The following NCOR2 variants were observed in gnomAD, a reference collection of about 807,000 sequenced individuals.
NCOR2 encodes the protein CTG repeat protein 26.
In NCOR2, 81 loss-of-function variants were observed where a neutral mutation model predicts 262.9. The observed-to-expected ratio is 0.31, with a 90% confidence interval of 0.26 to 0.37. The LOEUF is 0.37. Ranked by LOEUF, NCOR2 falls within the 10% of genes least tolerant of loss-of-function variation. The pLI is 1.00. For missense variants in NCOR2, 3,385 were observed against 3,621.4 expected (o/e 0.93, Z 1.68); for synonymous variants, 1,659 against 1,559.3 (o/e 1.06, Z -1.51).
chr12:124,354,021 T>C (rs909268507), intron 27 of NCOR2, 72 bp downstream of exon 29: 10 of 1,351,864 alleles, frequency 7.4e-6, no homozygotes, highest in Admixed American at 1.9e-5. Context: ...TTGGTGACAA[T>C]GAGGGGTTAT....
intron 1 of NCOR2, among the ~76,000 whole-genome samples, chr12:124,551,497 G>A (rs1168713485): frequency 6.6e-6 from 1 of 152,210 alleles, no homozygotes; most frequent in Non-Finnish European, 1.5e-5. Flanking sequence ...AAAGTCACCT[G>A]TCATTTTTTT....
At chr12:124,557,758 C>A (rs747205481) in intron 1 of NCOR2, among the ~76,000 whole-genome samples, 8 of 152,128 alleles carry the variant, frequency 5.3e-5, no homozygotes, top group Non-Finnish European at 1.0e-4. Context: ...GCAGGTGTCT[C>A]CCAACTTCTC....
At position 124,362,269 on chromosome 12, in the gene NCOR2, CG is replaced by C. The variant is rs746871841; in HGVS notation, c.2956del (p.Arg986GlyfsTer77). The C allele has an allele frequency of 7.6e-6, 10 of 1,313,526 alleles. No individual in the cohort carries two copies. Among genetic ancestry groups the C allele is most frequent in the South Asian group, 5.9e-5 (2 of 34,182 alleles). The allele number at this position is 1,313,526 out of a possible 1,614,324, so 81.4% of individuals were successfully genotyped here. A position where few individuals can be genotyped will look rare whatever the true frequency, so the allele number is the denominator to read the frequency against. Reference sequence around the variant, plus strand: ...TGGCTTGGTGGGAGCTGCGTCCTCCCGGGGGGGCTCATGGACTTTGGTGACC... The same window carrying C: ...TGGCTTGGTGGGAGCTGCGTCCTCCCGGGGGGCTCATGGACTTTGGTGACC... On this transcript the variant is annotated frameshift_variant, in exon 22 of 47. Transcript: ENST00000405201. LOFTEE classifies it high-confidence loss of function.
At chr12:124,331,228 A>G (rs897227981) in intron 43 of NCOR2, among the ~76,000 whole-genome samples, 1 of 151,604 alleles carries the variant, frequency 6.6e-6, no homozygotes, top group Admixed American at 6.6e-5. Context: ...ACGCCTGGCT[A>G]ATTTTTGTAT....
chr12:124,336,822 A>G, exon 38 of NCOR2: 1 of 1,613,028 alleles, frequency 6.2e-7, no homozygotes, highest in Non-Finnish European at 8.5e-7. Flanking sequence ...TGCGGGTCCG[A>G]GGCCGAGGCA....
intron 22 of NCOR2, among the ~76,000 whole-genome samples, chr12:124,357,154 CCCT>C (rs911375535): frequency 1.3e-5 from 2 of 152,148 alleles, no homozygotes; most frequent in African/African-American, 4.8e-5. Context: ...TCTGTCTGCC[CCCT>C]AATTTTTTTG....
chr12:124,334,480 CG>C lies in NCOR2; in HGVS notation c.6548del (p.Pro2183ArgfsTer46). The C allele has an allele frequency of 6.8e-7, 1 of 1,463,338 alleles. No homozygotes were observed. Among genetic ancestry groups the C allele is most frequent in the Non-Finnish European group, 9.0e-7 (1 of 1,106,518 alleles). The allele number at this position is 1,463,338 out of a possible 1,614,324, so 90.6% of individuals were successfully genotyped here. On this transcript the variant is annotated frameshift_variant, in exon 41 of 47. Coordinates refer to ENST00000405201, the Ensembl canonical transcript of NCOR2. LOFTEE classifies it high-confidence loss of function. The stretch of plus-strand genomic sequence containing the variant: ...GGGCCGGGGCACCATGGTCCGGGGG[CG>C]GGAGGTAGAGGTCACTGGGTGGGCG...
exon 38 of NCOR2, chr12:124,337,125 G>A: frequency 6.6e-7 from 1 of 1,513,384 alleles, no homozygotes; most frequent in Non-Finnish European, 8.9e-7. Context: ...AGTGGGCAGT[G>A]GGTGGCAGGT....
intron 3 of NCOR2, among the ~76,000 whole-genome samples, chr12:124,475,846 C>T (rs1353723399): frequency 6.6e-6 from 1 of 152,166 alleles, no homozygotes; most frequent in Non-Finnish European, 1.5e-5. Flanking sequence ...CATCTGTTCA[C>T]CCCACAGAAC....
At chr12:124,452,310 T>A (rs1593606192) in intron 6 of NCOR2, among the ~76,000 whole-genome samples, 1 of 152,212 alleles carries the variant, frequency 6.6e-6, no homozygotes. Context: ...CCACACTGGC[T>A]CCTTTATGTT....
In NCOR2 at chr12:124,330,709, C is replaced by T. The variant is rs532622909; in HGVS notation, c.6958+136G>A. 9 of 916,920 alleles carry T rather than the reference C, an allele frequency of 9.8e-6. No homozygotes were observed. The East Asian group carries it at 1.1e-4, about 11-fold the overall frequency. The allele number at this position is 916,920 out of a possible 1,614,324, so 56.8% of individuals were successfully genotyped here. A position where few individuals can be genotyped will look rare whatever the true frequency, so the allele number is the denominator to read the frequency against. On this transcript the variant is annotated intron_variant, in intron 44 of 46. Coordinates refer to ENST00000405201, the Ensembl canonical transcript of NCOR2. ...TTGTGTGACTCTGAATCCTACTGTG[C>T]GGTTAGTTCATCCCAGAATGAGGGG...
chr12:124,452,563 G>A (rs1390376263), intron 6 of NCOR2, among the ~76,000 whole-genome samples: 1 of 152,266 alleles, frequency 6.6e-6, no homozygotes, highest in Non-Finnish European at 1.5e-5. Flanking sequence ...GAAATTTGGT[G>A]TTTGTCTTGT....
chr12:124,422,617 G>A (rs532016626), intron 11 of NCOR2, 62 bp from the exon 14 acceptor site: 49 of 1,593,536 alleles, frequency 3.1e-5, no homozygotes, highest in African/African-American at 1.5e-4. Context: ...CGGGGCAGCC[G>A]ATCGGCTCCC....
chr12:124,357,836 ATG>A (rs61524879), intron 22 of NCOR2, among the ~76,000 whole-genome samples: 51 of 148,020 alleles, frequency 3.4e-4, no homozygotes, highest in Middle Eastern at 3.5e-3. Context: ...GTGTATGTGC[ATG>A]TGTGTGTGAG....
chr12:124,366,723 G>A (rs2039067393), intron 20 of NCOR2, among the ~76,000 whole-genome samples: 1 of 151,898 alleles, frequency 6.6e-6, no homozygotes, highest in Admixed American at 6.6e-5. Context: ...TCTCTATGTT[G>A]CCCAAGCTGG....
At chr12:124,507,991 G>A (rs1193566140) in intron 1 of NCOR2, among the ~76,000 whole-genome samples, 1 of 152,238 alleles carries the variant, frequency 6.6e-6, no homozygotes, top group Non-Finnish European at 1.5e-5. Context: ...GTATTTCAGG[G>A]TAGATCCCTG....
chr12:124,325,558 G>T, exon 47 of NCOR2: 1 of 1,318,852 alleles, frequency 7.6e-7, no homozygotes, highest in Non-Finnish European at 9.8e-7. Flanking sequence ...GCATGATCAG[G>T]GGGTTGTAGG....
intron 3 of NCOR2, among the ~76,000 whole-genome samples, chr12:124,479,569 GCA>G (rs1247332772): frequency 2.0e-5 from 3 of 151,692 alleles, no homozygotes; most frequent in African/African-American, 7.3e-5. Context: ...GCACACACAC[GCA>G]CGCGCGCGCG....
chr12:124,557,364 G>T (rs916012532), intron 1 of NCOR2, among the ~76,000 whole-genome samples: 2 of 152,204 alleles, frequency 1.3e-5, no homozygotes, highest in African/African-American at 2.4e-5. Context: ...GCTCTGCGGG[G>T]GAGTCTGTCC....
Sources: gnomAD v4.1 joint callset for allele counts (sites outside exome capture counted in the v4.1 genomes callset) on GRCh38, gnomAD v4.1.1 for gene constraint, MANE v1.5 for transcripts, NCBI Gene and HGNC (gene_info 2026-07-23, HGNC 2026-07-21) for gene names.